The following PCDHA4 variants were observed in gnomAD, a reference collection of about 807,000 sequenced individuals.
PCDHA4 encodes protocadherin alpha-4.
PCDHA4 carries 49 observed loss-of-function variants against 61.4 expected under a neutral mutation model. That is an observed-to-expected ratio of 0.80 (90% CI 0.63 to 1.01). The LOEUF (loss-of-function observed/expected upper bound fraction) is 1.01, where lower values mean the gene tolerates loss of function less well. Ranked by LOEUF, PCDHA4 falls within the 50% of genes least tolerant of loss-of-function variation. The probability of loss-of-function intolerance (pLI) is 0.00; values close to 1 mark genes in which losing one functional copy is unlikely to be tolerated. For synonymous variants in PCDHA4, 590 were observed against 550.3 expected, an observed-to-expected ratio of 1.07 and a Z score of -1.01; for missense variants, 1,254 against 1,235.8, an observed-to-expected ratio of 1.01 and a Z score of -0.22.
chr5:140,954,025 C>A (rs533473552), intron 1 of PCDHA4, among the ~76,000 whole-genome samples: 1 of 152,072 alleles, frequency 6.6e-6, no homozygotes, highest in African/African-American at 2.4e-5. Context: ...CATAGTGGGA[C>A]GATGTGGTAT....
chr5:140,905,826 T>C (rs782149349), intron 1 of PCDHA4, among the ~76,000 whole-genome samples: 8 of 152,170 alleles, frequency 5.3e-5, no homozygotes, highest in Non-Finnish European at 7.3e-5. Flanking sequence ...TAGATGTGTA[T>C]ATAAAGGGGA....
At chr5:140,967,099 T>G in intron 1 of PCDHA4, 1 of 1,613,074 alleles carries the variant, frequency 6.2e-7, no homozygotes, top group Non-Finnish European at 8.5e-7. Context: ...AGGCGCTGTG[T>G]GAGCAGCGGC....
chr5:140,832,345 G>A (rs2150201218), intron 1 of PCDHA4, among the ~76,000 whole-genome samples: 8 of 152,168 alleles, frequency 5.3e-5, no homozygotes, highest in Non-Finnish European at 1.2e-4. Context: ...GTTGTGGTTT[G>A]TGTTTCCTAA....
intron 1 of PCDHA4, chr5:140,861,762 T>G (rs2047066854): frequency 1.1e-5 from 1 of 90,318 alleles, no homozygotes; most frequent in Non-Finnish European, 2.3e-5. Context: ...TATTTTTCCC[T>G]GGAAATACCA....
At chr5:140,836,354 C>T in intron 1 of PCDHA4, 2 of 1,613,672 alleles carry the variant, frequency 1.2e-6, no homozygotes, top group South Asian at 1.1e-5. Flanking sequence ...ACGGGGAGCC[C>T]TCGCTGACAG....
At chr5:140,951,343 G>C (rs2094573680) in intron 1 of PCDHA4, among the ~76,000 whole-genome samples, 1 of 151,988 alleles carries the variant, frequency 6.6e-6, no homozygotes, top group South Asian at 2.1e-4. Flanking sequence ...GTTTGTGTTA[G>C]TCCATTATTG....
chr5:140,935,985 C>G (rs155825), intron 1 of PCDHA4, among the ~76,000 whole-genome samples: 1 of 150,926 alleles, frequency 6.6e-6, no homozygotes, highest in Admixed American at 6.6e-5. Context: ...CTCTGCCTCC[C>G]GGGTTCAAGC....
At chr5:140,824,227 T>A in intron 1 of PCDHA4, 5 of 1,544,522 alleles carry the variant, frequency 3.2e-6, no homozygotes, top group Non-Finnish European at 4.5e-6. Context: ...TATGTCTTAG[T>A]ACACAAATAT....
chr5:140,900,840 T>C (rs6874218), intron 1 of PCDHA4, among the ~76,000 whole-genome samples: 1 of 151,950 alleles, frequency 6.6e-6, no homozygotes, highest in Admixed American at 6.6e-5. Flanking sequence ...ATGTACAAAG[T>C]TTCCCTTTTT....
chr5:140,968,476 G>A (rs1295691287), intron 1 of PCDHA4: 1 of 1,613,974 alleles, frequency 6.2e-7, no homozygotes, highest in East Asian at 2.2e-5. Flanking sequence ...TATATGTGGT[G>A]GACATGAATG....
chr5:140,946,165 G>C (rs1554217364), intron 1 of PCDHA4, among the ~76,000 whole-genome samples: 1 of 151,838 alleles, frequency 6.6e-6, no homozygotes, highest in Non-Finnish European at 1.5e-5. Context: ...TTAAAAGATG[G>C]GTAAAGGATG....
chr5:140,810,607 A>G (rs1418736500), intron 1 of PCDHA4: 1 of 152,144 alleles, frequency 6.6e-6, no homozygotes, highest in African/African-American at 2.4e-5. Flanking sequence ...GGCAATTTTT[A>G]TACCTTATTT....
intron 1 of PCDHA4, chr5:140,842,742 T>C: frequency 6.3e-7 from 1 of 1,594,970 alleles, no homozygotes; most frequent in Non-Finnish European, 8.6e-7. Context: ...GGCTGCCACA[T>C]CTTCACGGTG....
chr5:140,921,721 C>A (rs2080351320), intron 1 of PCDHA4, among the ~76,000 whole-genome samples: 2 of 152,068 alleles, frequency 1.3e-5, no homozygotes, highest in African/African-American at 4.8e-5. Context: ...ACACGAATTA[C>A]TCCCATAAAA....
At chr5:140,966,925 A>T in intron 1 of PCDHA4, 8 of 1,603,462 alleles carry the variant, frequency 5.0e-6, no homozygotes, top group African/African-American at 1.3e-5. Context: ...AGGAGCAGGC[A>T]CCCGGCGCGC....
At chr5:140,975,213 G>A (rs1205237242) in intron 1 of PCDHA4, among the ~76,000 whole-genome samples, 2 of 152,178 alleles carry the variant, frequency 1.3e-5, no homozygotes, top group African/African-American at 4.8e-5. Context: ...GGCTGGCACT[G>A]GAGAATCTTC....
intron 1 of PCDHA4, chr5:140,870,380 C>T (rs373356425): frequency 1.3e-5 from 21 of 1,614,064 alleles, no homozygotes; most frequent in East Asian, 2.2e-5. Flanking sequence ...GTGGTGACTG[C>T]GCGGGATGGG....
intron 1 of PCDHA4, among the ~76,000 whole-genome samples, chr5:140,973,136 C>G (rs2096573800): frequency 6.6e-6 from 1 of 152,168 alleles, no homozygotes; most frequent in Admixed American, 6.5e-5. Context: ...TTTGCATTCA[C>G]TTTCACTTAT....
intron 3 of PCDHA4, among the ~76,000 whole-genome samples, chr5:140,999,874 T>G (rs897953919): frequency 6.6e-6 from 1 of 152,122 alleles, no homozygotes; most frequent in Admixed American, 6.5e-5. Flanking sequence ...TTACTGAAAA[T>G]TAGCCCAGCT....
Sources: gnomAD v4.1 joint callset for allele counts (sites outside exome capture counted in the v4.1 genomes callset) on GRCh38, gnomAD v4.1.1 for gene constraint, MANE v1.5 for transcripts, NCBI Gene and HGNC (gene_info 2026-07-23, HGNC 2026-07-21) for gene names.